The following UMAD1 variants were observed in gnomAD, a reference collection of about 807,000 sequenced individuals.
UMAD1 encodes UBAP1-MVB12-associated (UMA)-domain containing protein 1.
UMAD1 carries 8 observed loss-of-function variants against 6.1 expected under a neutral mutation model. The ratio of observed to expected loss-of-function variants is 1.30; its 90% CI spans 0.76 to 2.35. The LOEUF is 2.35. Ranked by LOEUF, UMAD1 falls within the 30% of genes most tolerant of loss-of-function variation. The pLI is 0.00. For synonymous variants in UMAD1, 56 were observed against 31.4 expected (o/e 1.78, Z -2.61); for missense variants, 130 against 78.4 (o/e 1.66, Z -2.49).
chr7:7,765,821 C>T (rs1388678161), intron 2 of UMAD1, among the ~76,000 whole-genome samples: 1 of 152,104 alleles, frequency 6.6e-6, no homozygotes, highest in Non-Finnish European at 1.5e-5. Context: ...GTTTAGTAAG[C>T]ATATATCTAT....
chr7:7,877,344 C>T lies in UMAD1; in HGVS notation c.220C>T (p.Gln74Ter), dbSNP rs1784438594. The change falls in exon 4 of 4, where the codon CAG becomes TAG. Residue 74 changes from glutamine to a stop codon, truncating the protein, a stop_gained. Coordinates refer to ENST00000682710, the MANE Select transcript of UMAD1 (RefSeq NM_001302348.2). LOFTEE classifies it high-confidence loss of function. Reference protein sequence around the residue: ...SDPEMENKAGQTLENSSLMAE... With the variant: ...SDPEMENKAG ...CCCTGAGATGGAAAATAAGGCAGGC[C>T]AGACTCTGGAGAACAGCTCATTAAT... 2.8e-6 allele frequency: 2 copies of T among 717,408 alleles called. No individual in the cohort carries two copies. The highest frequency in any genetic ancestry group is 3.0e-5 in the South Asian group (2 of 67,604). The allele number at this position is 717,408 out of a possible 1,614,324, so 44.4% of individuals were successfully genotyped here. A position where few individuals can be genotyped will look rare whatever the true frequency, so the allele number is the denominator to read the frequency against.
At chr7:7,785,337 T>G (rs1782440292) in intron 2 of UMAD1, among the ~76,000 whole-genome samples, 1 of 152,136 alleles carries the variant, frequency 6.6e-6, no homozygotes, top group Non-Finnish European at 1.5e-5. Context: ...GGAAGAATGT[T>G]CAAGACACAC....
At chr7:7,741,694 A>C (rs1781471203) in intron 2 of UMAD1, among the ~76,000 whole-genome samples, 1 of 151,542 alleles carries the variant, frequency 6.6e-6, no homozygotes, top group South Asian at 2.1e-4. Context: ...TGCTTATTGA[A>C]CCAACAATAA....
chr7:7,656,356 G>T (rs1258006225), intron 1 of UMAD1, among the ~76,000 whole-genome samples: 1 of 151,946 alleles, frequency 6.6e-6, no homozygotes, highest in African/African-American at 2.4e-5. Flanking sequence ...TGGAGTACAT[G>T]TACAGAACGT....
intron 3 of UMAD1, among the ~76,000 whole-genome samples, chr7:7,817,700 C>G (rs1180297605): frequency 3.3e-5 from 5 of 152,150 alleles, no homozygotes; most frequent in African/African-American, 1.2e-4. Context: ...TTCCTCAAAA[C>G]TTGGTTGTAT....
chr7:7,691,327 G>T (rs1204830883), intron 2 of UMAD1, among the ~76,000 whole-genome samples: 1 of 152,112 alleles, frequency 6.6e-6, no homozygotes, highest in East Asian at 1.9e-4. Flanking sequence ...CTGTTCTTTA[G>T]ATATTTGTAG....
At chr7:7,776,658 A>G (rs1003317914) in intron 2 of UMAD1, among the ~76,000 whole-genome samples, 3 of 151,972 alleles carry the variant, frequency 2.0e-5, no homozygotes, top group Non-Finnish European at 4.4e-5. Flanking sequence ...TAAATCTATA[A>G]TAACGGTTAC....
At chr7:7,667,880 A>G (rs1007093912) in intron 1 of UMAD1, among the ~76,000 whole-genome samples, 1 of 152,138 alleles carries the variant, frequency 6.6e-6, no homozygotes, top group East Asian at 1.9e-4. Context: ...GCTCTACTCT[A>G]CTAGCTATGT....
intron 3 of UMAD1, among the ~76,000 whole-genome samples, chr7:7,836,859 G>A (rs1783581988): frequency 6.6e-6 from 1 of 151,580 alleles, no homozygotes; most frequent in Non-Finnish European, 1.5e-5. Context: ...ATAATGAAGA[G>A]GTGTGTCTAA....
rs557323863 is a variant in UMAD1, at chr7:7,754,664, T to A, written c.83-47006T>A. 9.8e-5 allele frequency among the ~76,000 whole-genome samples: 15 copies of A among 152,346 alleles called. No individual in the cohort carries two copies. In the East Asian group the frequency reaches 2.7e-3, roughly 27 times the overall value. On this transcript the variant is annotated intron_variant, in intron 2 of 3. Coordinates refer to ENST00000682710, the MANE Select transcript of UMAD1 (RefSeq NM_001302348.2). The stretch of plus-strand genomic sequence containing the variant: ...TTTTTAAATTTTCATTTCACCAAGG[T>A]TTAATTTTAATTCAGTTTACATTTT...
intron 3 of UMAD1, among the ~76,000 whole-genome samples, chr7:7,846,537 T>G (rs6976374): frequency 0.71 from 108,100 of 151,960 alleles, 38,752 homozygotes; most frequent in Middle Eastern, 0.82. Context: ...AAACAGATGA[T>G]ACTATCTTAA....
chr7:7,847,105 ATATATATATATATATATATATAT>A lies in UMAD1; in HGVS notation c.157-30175_157-30153del, dbSNP rs1385115492. ...AGCAATGCAAAAAAAAAAAAAAAAA[ATATATATATATATATATATATAT>A]ATATATATATATATATATATATATA... On this transcript the variant is annotated intron_variant, in intron 3 of 3. Transcript: ENST00000682710. Among the ~76,000 whole-genome samples the A allele has an allele frequency of 4.2e-3, 19 of 4,542 alleles. 1 individual carries two copies. The highest frequency in any genetic ancestry group is 0.016 in the East Asian group (1 of 62). The allele number at this position is 4,542 out of a possible 152,430, so 3.0% of individuals were successfully genotyped here.
intron 2 of UMAD1, among the ~76,000 whole-genome samples, chr7:7,731,658 A>T (rs1056846415): frequency 1.3e-5 from 2 of 152,230 alleles, no homozygotes; most frequent in African/African-American, 4.8e-5. Flanking sequence ...AAGCTGCCGC[A>T]ATAAAAGAGA....
Position 7,855,564 on chromosome 7 carries a change from A to G in UMAD1, c.157-21717A>G, listed in dbSNP as rs188818635. Among the ~76,000 whole-genome samples, 296 of 152,312 alleles carry G rather than the reference A, an allele frequency of 1.9e-3. 1 individual carries two copies. Among genetic ancestry groups the G allele is most frequent in the South Asian group, 5.4e-3 (26 of 4,826 alleles). On this transcript the variant is annotated intron_variant, in intron 3 of 3. Transcript: ENST00000682710. ...GCTAGGATACAGGGCACCAAATCCC[A>G]AGGCTGCACACAGCAGGGGGGGCCC...
chr7:7,692,589 A>T (rs1780198271), intron 2 of UMAD1: 2 of 152,130 alleles, frequency 1.3e-5, no homozygotes, highest in South Asian at 4.1e-4. Flanking sequence ...ATTTATCATC[A>T]AAACACAAGC....
chr7:7,717,133 T>G (rs1481112844), intron 2 of UMAD1, among the ~76,000 whole-genome samples: 2 of 151,114 alleles, frequency 1.3e-5, no homozygotes, highest in East Asian at 3.9e-4. Context: ...CTTGGCTCAC[T>G]GCAACCTCCG....
At chr7:7,771,867 A>G (rs73344550) in intron 2 of UMAD1, among the ~76,000 whole-genome samples, 11,052 of 152,146 alleles carry the variant, frequency 0.073, 870 homozygotes, top group African/African-American at 0.2. Context: ...TAAAACTTCT[A>G]TTTATAAGCA....
Position 7,671,599 on chromosome 7 carries a change from T to G in UMAD1, c.-63-1710T>G, listed in dbSNP as rs190265469. ...GTCGTTTAATTTGAAATCTATTGTC[T>G]TACATTTCTGCTTGCAAACCAATTC... is the stretch of plus-strand genomic sequence containing the variant. On this transcript the variant is annotated intron_variant, in intron 1 of 3. Coordinates refer to ENST00000682710, the MANE Select transcript of UMAD1 (RefSeq NM_001302348.2). Among the ~76,000 whole-genome samples, 17 of 152,336 alleles carry G rather than the reference T, an allele frequency of 1.1e-4. 1 individual carries two copies. The highest frequency in any genetic ancestry group is 3.3e-4 in the Admixed American group (5 of 15,308).
chr7:7,714,423 G>A (rs930152691), intron 2 of UMAD1, among the ~76,000 whole-genome samples: 1 of 152,210 alleles, frequency 6.6e-6, no homozygotes, highest in Non-Finnish European at 1.5e-5. Context: ...TATGAATTAA[G>A]AGGTTGTACT....
Sources: gnomAD v4.1 joint callset for allele counts (sites outside exome capture counted in the v4.1 genomes callset) on GRCh38, gnomAD v4.1.1 for gene constraint, MANE v1.5 for transcripts, NCBI Gene and HGNC (gene_info 2026-07-23, HGNC 2026-07-21) for gene names.